Variants in NFATC2 observed in about 807,000 individuals in gnomAD.
NFATC2 encodes the protein nuclear factor of activated T-cells, cytoplasmic 2.
NFATC2 carries 22 observed loss-of-function variants against 87.3 expected under a neutral mutation model. The observed-to-expected ratio is 0.25, with a 90% CI of 0.18 to 0.36. The LOEUF (loss-of-function observed/expected upper bound fraction) is 0.36, where lower values mean the gene tolerates loss of function less well. Ranked by LOEUF, NFATC2 falls within the 10% of genes least tolerant of loss-of-function variation. NFATC2 has a pLI of 1.00. For synonymous variants in NFATC2, 565 were observed against 542.2 expected (o/e 1.04, Z -0.58); for missense variants, 1,149 against 1,259.1 (o/e 0.91, Z 1.32).
intron 3 of NFATC2, among the ~76,000 whole-genome samples, chr20:51,482,432 C>T (rs1364516627): frequency 6.6e-6 from 1 of 151,904 alleles, no homozygotes; most frequent in Non-Finnish European, 1.5e-5. Flanking sequence ...CAAGATAAAT[C>T]ACAAAAAGAA....
At chr20:51,455,731 G>A (rs1452723963) in intron 5 of NFATC2, among the ~76,000 whole-genome samples, 1 of 17,002 alleles carries the variant, frequency 5.9e-5, no homozygotes, top group Non-Finnish European at 1.2e-4. Context: ...TGGGTGGATG[G>A]GTGGGTGGGT....
At position 51,523,369 on chromosome 20, in the gene NFATC2, G is replaced by A. The variant is rs754433414; in HGVS notation, c.872C>T (p.Pro291Leu). The A allele has an allele frequency of 1.1e-5, 18 of 1,610,802 alleles. No individual in the cohort carries two copies. The African/African-American group carries it at 1.6e-4, about 14-fold the overall frequency. The part of the protein sequence containing the change: ...SHVAPQDHGS[P>L]AGYPPVAGSA... ...GCCAGCCACAGGGGGGTACCCAGCC[G>A]GGGAGCCGTGGTCCTGGGGTGCCAC... Residue 291 changes from proline to leucine, a missense_variant, in exon 2 of 11, where the codon CCG becomes CTG. Physicochemically the swap from Pro to Leu is moderately conservative, Grantham distance 98. This residue lies in a region of NFATC2 where 563 missense variants were observed against 585.2 expected (regional missense o/e 0.96). Transcript: ENST00000371564. This position sits in a 1 kb window ranked among gnomAD's most constrained non-coding sequence, Gnocchi z 6.9.
At chr20:51,561,418 AAGAGAG>A (rs1295159756) in intron 1 of NFATC2, among the ~76,000 whole-genome samples, 105 of 144,022 alleles carry the variant, frequency 7.3e-4, no homozygotes, top group African/African-American at 2.4e-3. Context: ...GAAAGAAAGA[AAGAGAG>A]AGAAAGAAAA....
intron 3 of NFATC2, among the ~76,000 whole-genome samples, chr20:51,493,301 A>C (rs1274000271): frequency 6.6e-6 from 1 of 150,498 alleles, no homozygotes; most frequent in African/African-American, 2.5e-5. Flanking sequence ...TCTTAGAACC[A>C]GTGGCGACAC....
intron 2 of NFATC2, among the ~76,000 whole-genome samples, chr20:51,517,228 C>T (rs1265881466): frequency 6.6e-6 from 1 of 152,060 alleles, no homozygotes; most frequent in Non-Finnish European, 1.5e-5. Context: ...ATACTGTAGG[C>T]AATGGTAACA....
chr20:51,451,200 G>C lies in NFATC2; in HGVS notation c.1849+3348C>G, dbSNP rs953057380. Among the ~76,000 whole-genome samples, 5 of 152,294 alleles carry C rather than the reference G, an allele frequency of 3.3e-5. No homozygotes were observed. The South Asian group carries it at 6.2e-4, about 19-fold the overall frequency. On this transcript the variant is annotated intron_variant, in intron 6 of 10. Transcript: ENST00000371564. ...TGCACCCCACTTTGCAGGACAGCTC[G>C]GGGGAGCTGTGCAGGCATTCCACCA...
chr20:51,520,635 T>A (rs2076429266), intron 2 of NFATC2, among the ~76,000 whole-genome samples: 1 of 150,846 alleles, frequency 6.6e-6, no homozygotes, highest in South Asian at 2.1e-4. Context: ...CCTTTTTATT[T>A]ATTTATTTTT....
chr20:51,517,022 G>T, intron 2 of NFATC2, 67 bp from the exon 3 acceptor site: 1 of 1,457,334 alleles, frequency 6.9e-7, no homozygotes, highest in East Asian at 2.4e-5. Flanking sequence ...TACAATAATT[G>T]TAAACGGCCC....
intron 3 of NFATC2, among the ~76,000 whole-genome samples, chr20:51,502,932 T>C (rs1363603844): frequency 1.3e-5 from 2 of 152,218 alleles, no homozygotes; most frequent in Non-Finnish European, 2.9e-5. Context: ...TCACTTCTTA[T>C]TCAGAAAAAT....
chr20:51,490,802 A>G (rs1158995388), intron 3 of NFATC2, among the ~76,000 whole-genome samples: 1 of 152,216 alleles, frequency 6.6e-6, no homozygotes, highest in Non-Finnish European at 1.5e-5. Flanking sequence ...AAATAATTAT[A>G]AATGTTAAAA....
intron 5 of NFATC2, among the ~76,000 whole-genome samples, chr20:51,456,743 G>A (rs536639705): frequency 2.6e-4 from 40 of 152,326 alleles, no homozygotes; most frequent in African/African-American, 8.2e-4. Context: ...CCCCATCCGC[G>A]AGCCTGGGCA....
chr20:51,488,850 T>A (rs946706839), intron 3 of NFATC2, among the ~76,000 whole-genome samples: 3 of 152,156 alleles, frequency 2.0e-5, no homozygotes, highest in Non-Finnish European at 4.4e-5. Flanking sequence ...TGAGATCCTA[T>A]CACTTCCCTA....
chr20:51,505,329 A>C (rs2076160801), intron 3 of NFATC2, among the ~76,000 whole-genome samples: 1 of 151,858 alleles, frequency 6.6e-6, no homozygotes, highest in Non-Finnish European at 1.5e-5. Context: ...CATTTCCTGT[A>C]CTTTTAAAAA....
intron 9 of NFATC2, among the ~76,000 whole-genome samples, chr20:51,428,768 C>G (rs1471571967): frequency 1.3e-5 from 2 of 152,138 alleles, no homozygotes; most frequent in African/African-American, 4.8e-5. Context: ...GCCACAGAAC[C>G]TTCCCTCAAC....
At chr20:51,464,029 C>T (rs77737648) in intron 5 of NFATC2, among the ~76,000 whole-genome samples, 3,488 of 152,314 alleles carry the variant, frequency 0.023, 127 homozygotes, top group African/African-American at 0.079. Flanking sequence ...GCCCACCCCA[C>T]TGGGCCAGAT....
chr20:51,523,601 G>A lies in NFATC2; in HGVS notation c.640C>T (p.Pro214Ser), dbSNP rs1205489055. The change falls in exon 2 of 11, where the codon CCC (proline) becomes TCC (serine). Residue 214 changes from proline (P) to serine (S), a missense_variant. Pro to Ser is a moderately conservative substitution (Grantham distance 74). Transcript: ENST00000371564. This position sits in a 1 kb window ranked among gnomAD's most constrained non-coding sequence, Gnocchi z 6.9. Reference sequence around the variant, plus strand: ...GGTGACATTATTGGCGAGGTTCTGGGGGAATAATGAGCAGGGATGTTTTGA... The same window carrying A: ...GGTGACATTATTGGCGAGGTTCTGGAGGAATAATGAGCAGGGATGTTTTGA... ...QFQNIPAHYSPRTSPIMSPRT... is the reference protein window; with the variant it reads ...QFQNIPAHYSSRTSPIMSPRT... The A allele has an allele frequency of 6.2e-7, 1 of 1,613,936 alleles. No homozygotes were observed. The highest frequency in any genetic ancestry group is 8.5e-7 in the Non-Finnish European group (1 of 1,179,876).
intron 3 of NFATC2, among the ~76,000 whole-genome samples, chr20:51,510,488 G>C (rs2076255303): frequency 1.3e-5 from 2 of 152,238 alleles, no homozygotes; most frequent in Admixed American, 6.5e-5. Context: ...TGGCTCTTTT[G>C]AGATGAATCA....
intron 1 of NFATC2, among the ~76,000 whole-genome samples, chr20:51,561,463 G>GAAA: frequency 7.6e-6 from 1 of 131,700 alleles, no homozygotes; most frequent in Non-Finnish European, 1.6e-5. Flanking sequence ...AAGAAAGAAA[G>GAAA]AAAGAAAGAA....
intron 9 of NFATC2, among the ~76,000 whole-genome samples, chr20:51,426,736 T>C (rs1471777967): frequency 2.6e-5 from 4 of 152,076 alleles, no homozygotes; most frequent in Admixed American, 2.0e-4. Flanking sequence ...CATGAATCTC[T>C]GGAGTTAGAA....
Sources: gnomAD v4.1 joint callset for allele counts (sites outside exome capture counted in the v4.1 genomes callset) on GRCh38, gnomAD v4.1.1 for gene constraint, gnomAD v4.1.1 regional missense constraint, Gnocchi (gnomAD v3.1) non-coding constraint, MANE v1.5 for transcripts, NCBI Gene and HGNC (gene_info 2026-07-23, HGNC 2026-07-21) for gene names.